The following PDE1C variants were observed in gnomAD, a reference collection of about 807,000 sequenced individuals.
PDE1C encodes phosphodiesterase 1C, also known as dual specificity calcium/calmodulin-dependent 3',5'-cyclic nucleotide phosphodiesterase 1C.
Under a neutral mutation model 93.1 loss-of-function variants are expected in PDE1C, and 62 were observed. That is an observed-to-expected ratio of 0.67 (90% CI 0.54 to 0.82). The LOEUF is 0.82. Ranked by LOEUF, PDE1C falls within the 40% of genes least tolerant of loss-of-function variation. The pLI is 0.00. For synonymous variants in PDE1C, 325 were observed against 310.1 expected (o/e 1.05, Z -0.50); for missense variants, 742 against 884.6 (o/e 0.84, Z 2.04).
At chr7:31,679,189 G>A in the PDE1C span, among the ~76,000 whole-genome samples, 7,034 of 152,250 alleles carry the variant, frequency 0.046, 523 homozygotes, top group African/African-American at 0.16. Context: ...TTCCAGGCCA[G>A]GGTATTCTGG....
chr7:31,639,610 C>T, the PDE1C span, among the ~76,000 whole-genome samples: 6,599 of 149,012 alleles, frequency 0.044, 467 homozygotes, highest in African/African-American at 0.15. Flanking sequence ...AATCTCAGCT[C>T]ACTGAAAGCT....
chr7:31,643,282 A>T, the PDE1C span: 1 of 1,613,720 alleles, frequency 6.2e-7, no homozygotes, highest in Non-Finnish European at 8.5e-7. Flanking sequence ...CGTACCAGAA[A>T]GCTCATCACA....
At chr7:31,800,770 A>T (rs7778829) in intron 16 of PDE1C, among the ~76,000 whole-genome samples, 79,764 of 151,032 alleles carry the variant, frequency 0.53, 23,344 homozygotes, top group Non-Finnish European at 0.65. Context: ...TTTCTACCAA[A>T]AAAAAGCATA....
At chr7:31,925,039 CTGTGTGTG>C (rs70989622) in intron 2 of PDE1C, among the ~76,000 whole-genome samples, 12,883 of 135,218 alleles carry the variant, frequency 0.095, 747 homozygotes, top group African/African-American at 0.16. Context: ...GTAGACATTT[CTGTGTGTG>C]TGTGTGTGTG....
intron 1 of PDE1C, among the ~76,000 whole-genome samples, chr7:32,389,032 T>C (rs1215116864): frequency 6.6e-6 from 1 of 152,124 alleles, no homozygotes; most frequent in Non-Finnish European, 1.5e-5. Context: ...AACTGCAAAA[T>C]GTCAAATTAT....
At chr7:31,714,140 C>T in the PDE1C span, among the ~76,000 whole-genome samples, 2 of 152,308 alleles carry the variant, frequency 1.3e-5, no homozygotes, top group African/African-American at 4.8e-5. Flanking sequence ...ATGCTTTTAA[C>T]AGCACCCAAG....
At chr7:31,961,292 C>T (rs1464515784) in intron 2 of PDE1C, among the ~76,000 whole-genome samples, 3 of 151,278 alleles carry the variant, frequency 2.0e-5, no homozygotes, top group Admixed American at 6.6e-5. Context: ...ACATTATATA[C>T]AGTATGCACA....
chr7:31,843,569 G>A (rs1792182546), intron 9 of PDE1C, among the ~76,000 whole-genome samples: 1 of 151,576 alleles, frequency 6.6e-6, no homozygotes, highest in African/African-American at 2.4e-5. Flanking sequence ...ACCTTTTTGT[G>A]TATTTATATT....
intron 1 of PDE1C, among the ~76,000 whole-genome samples, chr7:32,409,813 T>G (rs1240626211): frequency 6.6e-6 from 1 of 151,690 alleles, no homozygotes; most frequent in Non-Finnish European, 1.5e-5. Flanking sequence ...AATATAGTAT[T>G]ATTTTCCTTA....
the PDE1C span, among the ~76,000 whole-genome samples, chr7:31,617,496 T>TC: frequency 6.6e-6 from 1 of 151,834 alleles, no homozygotes. Context: ...ATTCTGCTTT[T>TC]TGTAAAAAAC....
intron 4 of PDE1C, 34 bp downstream of exon 4, chr7:31,878,962 T>G: frequency 6.3e-7 from 1 of 1,589,582 alleles, no homozygotes; most frequent in South Asian, 1.1e-5. Context: ...TTTGGCTGCT[T>G]TAGTCACTAA....
chr7:32,096,880 C>A (rs1797784287), intron 3 of PDE1C, among the ~76,000 whole-genome samples: 1 of 145,958 alleles, frequency 6.9e-6, no homozygotes, highest in African/African-American at 2.5e-5. Flanking sequence ...GATCAACAGT[C>A]AGCCATAAAG....
intron 1 of PDE1C, among the ~76,000 whole-genome samples, chr7:32,338,613 C>T (rs2128079163): frequency 6.6e-6 from 1 of 152,286 alleles, no homozygotes; most frequent in African/African-American, 2.4e-5. Flanking sequence ...CCATACGATC[C>T]AGGAATACTA....
chr7:31,659,816 T>C, the PDE1C span, among the ~76,000 whole-genome samples: 1 of 152,342 alleles, frequency 6.6e-6, no homozygotes, highest in East Asian at 1.9e-4. Context: ...AACTCTATTT[T>C]ATTCACCTTT....
At chr7:32,407,747 C>T (rs1006924770) in intron 1 of PDE1C, among the ~76,000 whole-genome samples, 2 of 152,118 alleles carry the variant, frequency 1.3e-5, no homozygotes, top group African/African-American at 2.4e-5. Context: ...TCTATTTCAT[C>T]GAAGCTTTAT....
At chr7:31,891,251 C>G (rs1798597476) in intron 2 of PDE1C, among the ~76,000 whole-genome samples, 1 of 152,130 alleles carries the variant, frequency 6.6e-6, no homozygotes, top group South Asian at 2.1e-4. Flanking sequence ...CCATAGTCAC[C>G]TAACTACGTC....
chr7:32,173,362 G>A lies in PDE1C; in HGVS notation c.137-3406C>T, dbSNP rs565296118. 2.0e-5 allele frequency among the ~76,000 whole-genome samples: 3 copies of A among 152,214 alleles called. No homozygotes were observed. The South Asian group carries it at 6.2e-4, about 32-fold the overall frequency. ...AACAACACACACCAGAGCCTGTTGA[G>A]GGGTGGGGTTTAGGGGAGGGAGCTT... On this transcript the variant is annotated intron_variant, in intron 2 of 18. Coordinates refer to the PDE1C transcript ENST00000396193.
At chr7:31,860,223 G>A (rs2128824491) in intron 7 of PDE1C, among the ~76,000 whole-genome samples, 1 of 152,264 alleles carries the variant, frequency 6.6e-6, no homozygotes, top group South Asian at 2.1e-4. Context: ...TGGTTTATTT[G>A]GCAAGGTCTG....
intron 3 of PDE1C, among the ~76,000 whole-genome samples, chr7:32,107,694 C>T (rs1798400169): frequency 6.6e-6 from 1 of 152,036 alleles, no homozygotes; most frequent in South Asian, 2.1e-4. Context: ...GCAAGTCAAA[C>T]TCAGATCTAC....
Sources: allele counts gnomAD v4.1 joint callset (sites outside exome capture counted in the v4.1 genomes callset), GRCh38; gene constraint gnomAD v4.1.1; transcripts MANE v1.5; gene names NCBI Gene and HGNC (gene_info 2026-07-23, HGNC 2026-07-21).